Variants in NDUFS6 observed in about 807,000 individuals in gnomAD.
NDUFS6 encodes NADH dehydrogenase [ubiquinone] iron-sulfur protein 6, mitochondrial.
In NDUFS6, 14 loss-of-function variants were observed where a neutral mutation model predicts 13.2. The observed-to-expected ratio is 1.06, with a 90% CI of 0.70 to 1.66. NDUFS6 has a LOEUF of 1.66. Among genes scored for constraint, NDUFS6 ranks in the 40% most tolerant of loss-of-function variants. NDUFS6 has a pLI of 0.00. For missense variants in NDUFS6, 206 were observed against 170.8 expected (o/e 1.21, Z -1.15); for synonymous variants, 95 against 72.3 (o/e 1.31, Z -1.60).
chr5:1,801,904 A>C (rs1365279693), intron 1 of NDUFS6, among the ~76,000 whole-genome samples: 1 of 152,262 alleles, frequency 6.6e-6, no homozygotes, highest in African/African-American at 2.4e-5. Context: ...GTAACCTGAG[A>C]AGTCGGTTGT....
rs1290132682 is a variant in NDUFS6 at position 1,816,038 on chromosome 5, G to C, written c.*122G>C. ...CTGGTGCTGAATAAAGGGTGTTGCT[G>C]TCAAGGCTGACAATTTGTAAGTTTG... On this transcript the variant is annotated 3_prime_UTR_variant, in exon 4 of 4. Coordinates refer to ENST00000274137, the MANE Select transcript of NDUFS6 (RefSeq NM_004553.6). 1.8e-5 allele frequency: 20 copies of C among 1,099,224 alleles called. No homozygotes were observed. Among genetic ancestry groups the C allele is most frequent in the Non-Finnish European group, 2.1e-5 (15 of 713,518 alleles). The allele number at this position is 1,099,224 out of a possible 1,614,324, so 68.1% of individuals were successfully genotyped here.
intron 2 of NDUFS6, among the ~76,000 whole-genome samples, chr5:1,813,042 ACT>A (rs58270348): frequency 0.015 from 2,351 of 151,698 alleles, 76 homozygotes; most frequent in African/African-American, 0.054. Flanking sequence ...ACAGAGTGAG[ACT>A]CTGTCTCAAA....
rs1447746636 is a variant in NDUFS6, at chr5:1,814,595, T to G, written c.309+134T>G. 7.4e-7 allele frequency: 1 copy of G among 1,349,768 alleles called. No individual in the cohort carries two copies. The highest frequency in any genetic ancestry group is 2.5e-5 in the East Asian group (1 of 40,426). The allele number at this position is 1,349,768 out of a possible 1,614,324, so 83.6% of individuals were successfully genotyped here. On this transcript the variant is annotated intron_variant, in intron 3 of 3. Coordinates refer to ENST00000274137, the MANE Select transcript of NDUFS6 (RefSeq NM_004553.6). The surrounding 1 kb of genome is among the most constrained non-coding windows in gnomAD (Gnocchi z 4.9). ...GCGGCCCTTACGGGGTTCACACTGC[T>G]GGCACATTCACCCTACAGCGCCACA...
intron 2 of NDUFS6, among the ~76,000 whole-genome samples, chr5:1,807,387 A>G (rs1218815236): frequency 6.6e-6 from 1 of 152,174 alleles, no homozygotes; most frequent in East Asian, 1.9e-4. Context: ...TAATGTGAAT[A>G]TACGTGGTGT....
intron 2 of NDUFS6, among the ~76,000 whole-genome samples, chr5:1,812,669 C>T (rs927192411): frequency 3.3e-5 from 5 of 151,200 alleles, no homozygotes; most frequent in African/African-American, 4.9e-5. Flanking sequence ...CCCTTCCCTT[C>T]GGTGTGAAAT....
Position 1,801,516 on chromosome 5 carries a change from G to C in NDUFS6, c.99G>C (p.Ser33=). 3 of 1,596,794 alleles carry C rather than the reference G, an allele frequency of 1.9e-6. No homozygotes were observed. Among genetic ancestry groups the C allele is most frequent in the Non-Finnish European group, 2.5e-6 (3 of 1,177,364 alleles). The change falls in exon 1 of 4, where the codon TCG becomes TCC. Residue 33 remains serine, a synonymous_variant. Transcript: ENST00000274137. The part of the protein sequence containing the change: ...LGARCFGVRV[S]PTGEKVTHTG... ...CCAGGTGTTTCGGGGTGCGGGTCTC[G>C]CCGACCGGGGAGAAGGTCACGCACA...
intron 2 of NDUFS6, among the ~76,000 whole-genome samples, chr5:1,807,535 C>T (rs573713731): frequency 3.9e-5 from 6 of 152,250 alleles, no homozygotes; most frequent in Admixed American, 1.3e-4. Context: ...TGGCTGGTGT[C>T]GCTCATTCTT....
At chr5:1,810,662 T>G (rs1180970991) in intron 2 of NDUFS6, among the ~76,000 whole-genome samples, 1 of 152,216 alleles carries the variant, frequency 6.6e-6, no homozygotes, top group Non-Finnish European at 1.5e-5. Context: ...ATCCAGGCAG[T>G]CAGTTTCAAC....
At chr5:1,811,401 A>C (rs1734217760) in intron 2 of NDUFS6, among the ~76,000 whole-genome samples, 1 of 152,248 alleles carries the variant, frequency 6.6e-6, no homozygotes. Context: ...ACAACAATAT[A>C]ATTATCACAC....
intron 3 of NDUFS6, among the ~76,000 whole-genome samples, chr5:1,815,535 G>A (rs760012421): frequency 1.3e-5 from 2 of 152,242 alleles, no homozygotes; most frequent in African/African-American, 4.8e-5. Flanking sequence ...GCCAAGCCTG[G>A]TTGTGCCTCA....
Position 1,801,531 on chromosome 5 carries a change from G to A in NDUFS6, c.114G>A (p.Lys38=), listed in dbSNP as rs767654944. ...FGVRVSPTGE[K]VTHTGQVYDD... ...TGCGGGTCTCGCCGACCGGGGAGAA[G>A]GTCACGCACACTGGCCAGGTAACGG... Residue 38 remains lysine, a synonymous_variant, in exon 1 of 4, where the codon AAG becomes AAA. Coordinates refer to ENST00000274137, the MANE Select transcript of NDUFS6 (RefSeq NM_004553.6). The A allele has an allele frequency of 3.1e-6, 5 of 1,592,508 alleles. No individual in the cohort carries two copies. The highest frequency in any genetic ancestry group is 1.1e-5 in the South Asian group (1 of 89,696).
chr5:1,803,136 C>T (rs538148876), intron 2 of NDUFS6, among the ~76,000 whole-genome samples: 4 of 152,310 alleles, frequency 2.6e-5, no homozygotes, highest in South Asian at 2.1e-4. Context: ...ATTTTCCCTT[C>T]TCCTTCAATC....
rs781297817 is a variant in NDUFS6, at chr5:1,814,174, T to C, written c.187-165T>C. On this transcript the variant is annotated intron_variant, in intron 2 of 3. Transcript: ENST00000274137. The surrounding 1 kb of genome is among the most constrained non-coding windows in gnomAD (Gnocchi z 4.9). ...ACTTTATTCCAGTGAAAAGTAGATG[T>C]GTGTGTAGGCCCTGAATTTAATAAG... Among the ~76,000 whole-genome samples the C allele has an allele frequency of 6.6e-6, 1 of 152,218 alleles. No individual in the cohort carries two copies.
Position 1,801,472 on chromosome 5 carries a change from C to A in NDUFS6, c.55C>A (p.Arg19=), listed in dbSNP as rs567528957. Residue 19 remains arginine (R), a synonymous_variant, in exon 1 of 4, where the codon CGG becomes AGG. Transcript: ENST00000274137. ...GCTGAACCGGTGTGGCGAGGCGGCG[C>A]GGAGCCTGCCCCTGGGCGCCAGGTG... ...RLLNRCGEAA[R]SLPLGARCFG... 1 of 1,603,438 alleles carries A rather than the reference C, an allele frequency of 6.2e-7. No individual in the cohort carries two copies. The highest frequency in any genetic ancestry group is 8.5e-7 in the Non-Finnish European group (1 of 1,178,688).
intron 2 of NDUFS6, among the ~76,000 whole-genome samples, chr5:1,804,663 G>A (rs552592367): frequency 6.6e-6 from 1 of 152,360 alleles, no homozygotes; most frequent in Non-Finnish European, 1.5e-5. Flanking sequence ...AGTAGTAGTT[G>A]TTTGGCTTCT....
At chr5:1,804,875 G>A (rs1242396183) in intron 2 of NDUFS6, among the ~76,000 whole-genome samples, 2 of 152,126 alleles carry the variant, frequency 1.3e-5, no homozygotes, top group Non-Finnish European at 2.9e-5. Context: ...TATGTTCTAG[G>A]GTTTGGATAG....
At chr5:1,802,149 G>A (rs1734056164) in intron 1 of NDUFS6, 172 bp from the exon 2 acceptor site, 1 of 609,916 alleles carries the variant, frequency 1.6e-6, no homozygotes, top group South Asian at 2.0e-5. Context: ...TTCATCCCAG[G>A]TATCTCGCTA....
At chr5:1,808,894 A>G (rs1235228571) in intron 2 of NDUFS6, among the ~76,000 whole-genome samples, 1 of 152,246 alleles carries the variant, frequency 6.6e-6, no homozygotes, top group African/African-American at 2.4e-5. Flanking sequence ...GTTCTAAATA[A>G]TTGAACTGAG....
At chr5:1,803,155 G>A (rs1450693198) in intron 2 of NDUFS6, among the ~76,000 whole-genome samples, 1 of 152,074 alleles carries the variant, frequency 6.6e-6, no homozygotes, top group African/African-American at 2.4e-5. Flanking sequence ...TCTTGGTTAC[G>A]TTATCCATTC....
Sources: gnomAD v4.1 joint callset for allele counts (sites outside exome capture counted in the v4.1 genomes callset) on GRCh38, gnomAD v4.1.1 for gene constraint, Gnocchi (gnomAD v3.1) non-coding constraint, MANE v1.5 for transcripts, NCBI Gene and HGNC (gene_info 2026-07-23, HGNC 2026-07-21) for gene names.